The following EXOC3 variants were observed in gnomAD, a reference collection of about 807,000 sequenced individuals.
EXOC3 encodes the protein exocyst complex component 3, also known as SEC6-like 1.
In EXOC3, 21 loss-of-function variants were observed where a neutral mutation model predicts 73.7. The ratio of observed to expected loss-of-function variants is 0.29; its 90% CI spans 0.20 to 0.41. EXOC3 has a LOEUF of 0.41. EXOC3 is among the 10% of genes least tolerant of loss of function. The probability of loss-of-function intolerance (pLI) is 1.00; values close to 1 mark genes in which losing one functional copy is unlikely to be tolerated. For synonymous variants in EXOC3, 410 were observed against 389.1 expected (o/e 1.05, Z -0.63); for missense variants, 842 against 985.1 (o/e 0.85, Z 1.95).
intron 11 of EXOC3, among the ~76,000 whole-genome samples, chr5:465,475 G>GGCCGCCCACAGCTCCCTGAC (rs1738119166): frequency 6.6e-6 from 1 of 152,242 alleles, no homozygotes; most frequent in East Asian, 1.9e-4. Context: ...GGCTTCCCGA[G>GGCCGCCCACAGCTCCCTGAC]GCCGCCCACA....
intron 9 of EXOC3, among the ~76,000 whole-genome samples, chr5:463,895 T>C (rs949844003): frequency 2.6e-5 from 4 of 152,274 alleles, no homozygotes; most frequent in African/African-American, 9.6e-5. Context: ...CACAGATATT[T>C]CCATCTTTAA....
rs373532939 is a variant in EXOC3 at position 466,700 on chromosome 5, C to T, written c.2067-27C>T. ...GTGCATCACAGGGCTGCTAAGTGGGCATGGGCTGACATCTCCCCATCCCCA... is the reference window on the plus strand; with the variant it reads ...GTGCATCACAGGGCTGCTAAGTGGGTATGGGCTGACATCTCCCCATCCCCA... On this transcript the variant is annotated intron_variant, in intron 12 of 12. Transcript: ENST00000512944. The T allele has an allele frequency of 5.6e-6, 9 of 1,600,062 alleles. 1 individual carries two copies. The Admixed American group carries it at 8.4e-5, about 15-fold the overall frequency.
At chr5:447,783 C>G (rs757145427) in intron 3 of EXOC3, 31 bp downstream of exon 3, 44 of 1,459,420 alleles carry the variant, frequency 3.0e-5, no homozygotes, top group Non-Finnish European at 3.7e-5. Context: ...CACTTGCCCC[C>G]ACTCACGCTG....
chr5:458,573 A>G (rs562118781), intron 6 of EXOC3, among the ~76,000 whole-genome samples: 1 of 152,314 alleles, frequency 6.6e-6, no homozygotes, highest in East Asian at 1.9e-4. Flanking sequence ...ACCGACCTGC[A>G]TTTTTACCAC....
chr5:453,249 G>C, intron 3 of EXOC3, 121 bp from the exon 4 acceptor site: 1 of 675,052 alleles, frequency 1.5e-6, no homozygotes, highest in South Asian at 1.9e-5. Context: ...TCCTGCCATT[G>C]CAGTTGTTGT....
intron 6 of EXOC3, 31 bp downstream of exon 6, chr5:458,056 G>A (rs769200699): frequency 2.1e-5 from 34 of 1,603,770 alleles, no homozygotes; most frequent in Non-Finnish European, 2.6e-5. Context: ...GCACAGTTCC[G>A]TTTCCTAGGT....
At chr5:464,265 T>C in intron 9 of EXOC3, 25 bp from the exon 10 acceptor site, 1 of 1,609,650 alleles carries the variant, frequency 6.2e-7, no homozygotes, top group Non-Finnish European at 8.5e-7. Context: ...GGTGATGATT[T>C]CTATGATCTG....
At position 447,521 on chromosome 5, in the gene EXOC3, GTC is replaced by G; in HGVS notation, c.145-6_145-5del. ...CATTGGCTCTGCTCACCCGTGTGGC[GTC>G]TCTCTTTAGGCCGCCATCCAGTCAC... On this transcript the variant is annotated splice_polypyrimidine_tract_variant and intron_variant, in intron 2 of 12. Transcript: ENST00000512944. 6.5e-7 allele frequency: 1 copy of G among 1,534,932 alleles called. No individual in the cohort carries two copies. Among genetic ancestry groups the G allele is most frequent in the Non-Finnish European group, 8.8e-7 (1 of 1,134,720 alleles).
At chr5:448,084 G>A (rs1737557502) in intron 3 of EXOC3, among the ~76,000 whole-genome samples, 1 of 152,180 alleles carries the variant, frequency 6.6e-6, no homozygotes, top group African/African-American at 2.4e-5. Flanking sequence ...GAATGAAGAC[G>A]CCGTGGCCCA....
chr5:464,958 C>T, intron 10 of EXOC3, 153 bp from the exon 11 acceptor site: 1 of 798,090 alleles, frequency 1.3e-6, no homozygotes, highest in Non-Finnish European at 1.9e-6. Context: ...CCCGCTCCTC[C>T]TCTGCGGTGA....
intron 12 of EXOC3, 105 bp from the exon 13 acceptor site, chr5:466,622 C>T (rs1738159200): frequency 2.6e-6 from 3 of 1,151,652 alleles, no homozygotes. Flanking sequence ...GCGGTCCTCA[C>T]CCCCTGTGTT....
At chr5:460,161 G>T (rs73040710) in intron 7 of EXOC3, among the ~76,000 whole-genome samples, 1 of 152,212 alleles carries the variant, frequency 6.6e-6, no homozygotes, top group African/African-American at 2.4e-5. Context: ...CCAAGTCTGC[G>T]TTTGGGTTGT....
intron 1 of EXOC3, chr5:444,776 C>G (rs1737455653): frequency 6.7e-6 from 1 of 149,386 alleles, no homozygotes; most frequent in African/African-American, 2.4e-5. Flanking sequence ...GGGGTTACCC[C>G]TGAGTGGTGG....
At chr5:465,933 T>A (rs1738134808) in intron 12 of EXOC3, 88 bp downstream of exon 12, 47 of 1,456,646 alleles carry the variant, frequency 3.2e-5, no homozygotes, top group Non-Finnish European at 4.0e-5. Context: ...GTGGGGCTCC[T>A]GGTTCGCAAG....
intron 12 of EXOC3, chr5:466,168 C>T: frequency 2.9e-6 from 1 of 349,168 alleles, no homozygotes; most frequent in South Asian, 3.6e-5. Flanking sequence ...CTCAGTGGGG[C>T]GAGTTTAGGA....
rs762076288 is a variant in EXOC3 at position 446,318 on chromosome 5, G to T, written c.113G>T (p.Arg38Leu). The T allele has an allele frequency of 6.2e-7, 1 of 1,612,702 alleles. No homozygotes were observed. The highest frequency in any genetic ancestry group is 8.5e-7 in the Non-Finnish European group (1 of 1,179,184). Reference protein sequence around the residue: ...KVEQYRRREARKKASVEARLK... With the variant: ...KVEQYRRREALKKASVEARLK... ...GAGCAGTATCGCAGGAGAGAAGCGCGGAAGAAGGCCTCCGTGGAGGCCAGA... is the reference window on the plus strand; with the variant it reads ...GAGCAGTATCGCAGGAGAGAAGCGCTGAAGAAGGCCTCCGTGGAGGCCAGA... The change falls in exon 2 of 13, where the codon CGG becomes CTG. Residue 38 changes from arginine to leucine, a missense_variant. By Grantham distance (102) the Arg-to-Leu change is moderately radical. Transcript: ENST00000512944.
intron 8 of EXOC3, 28 bp from the exon 9 acceptor site, chr5:462,129 G>C: frequency 1.9e-6 from 3 of 1,613,006 alleles, no homozygotes; most frequent in African/African-American, 2.7e-5. Flanking sequence ...CCCAGCCGCT[G>C]TGTTGAACCT....
chr5:447,734 C>G lies in EXOC3; in HGVS notation c.346C>G (p.Leu116Val). Residue 116 changes from leucine to valine, a missense_variant, in exon 3 of 13, where the codon CTC becomes GTC. Coordinates refer to ENST00000512944, the MANE Select transcript of EXOC3 (RefSeq NM_007277.5). ...HSQLAAAVEN[L>V]KNIFSVPEIV... ...CCAGCTCGCCGCAGCCGTGGAGAAC[C>G]TCAAGAACATCTTCTCAGGTACCAG... 6.4e-7 allele frequency: 1 copy of G among 1,569,348 alleles called. No individual in the cohort carries two copies. Among genetic ancestry groups the G allele is most frequent in the East Asian group, 2.4e-5 (1 of 42,522 alleles).
At position 462,042 on chromosome 5, in the gene EXOC3, G is replaced by A. The variant is rs767463397; in HGVS notation, c.1474G>A (p.Ala492Thr). Residue 492 changes from alanine (A) to threonine (T), a missense_variant, in exon 8 of 13, where the codon GCC becomes ACC. Transcript: ENST00000512944. ...HPHCYVQYMI[A>T]IINNCQTFKE... Reference sequence around the variant, plus strand: ...TCACTGCTACGTTCAGTACATGATCGCCATCATCAACAACTGCCAGACCTT... The same window carrying A: ...TCACTGCTACGTTCAGTACATGATCACCATCATCAACAACTGCCAGACCTT... 41 of 1,609,640 alleles carry A rather than the reference G, an allele frequency of 2.5e-5. No individual in the cohort carries two copies. The highest frequency in any genetic ancestry group is 3.4e-5 in the Non-Finnish European group (40 of 1,177,912).
Sources: allele counts gnomAD v4.1 joint callset (sites outside exome capture counted in the v4.1 genomes callset), GRCh38; gene constraint gnomAD v4.1.1; transcripts MANE v1.5; gene names NCBI Gene and HGNC (gene_info 2026-07-23, HGNC 2026-07-21).